The following DYNLT2 variants were observed in gnomAD, a reference collection of about 807,000 sequenced individuals.
DYNLT2 encodes dynein light chain Tctex-type 2.
DYNLT2 carries 24 observed loss-of-function variants against 24.3 expected under a neutral mutation model. The observed-to-expected ratio is 0.99, with a 90% CI of 0.71 to 1.39. The LOEUF is 1.39. DYNLT2 is among the 40% of genes most tolerant of loss of function. The pLI is 0.00. For missense variants in DYNLT2, 246 were observed against 234.5 expected, an observed-to-expected ratio of 1.05 and a Z score of -0.32; for synonymous variants, 85 against 85.4, an observed-to-expected ratio of 1.00 and a Z score of 0.03.
chr6:169,728,848 TTTAGA>T, the DYNLT2 span, among the ~76,000 whole-genome samples: 2 of 152,224 alleles, frequency 1.3e-5, no homozygotes, highest in Non-Finnish European at 2.9e-5. Flanking sequence ...GCATTCTAAG[TTTAGA>T]TTAGCTTCCA....
chr6:169,737,742 C>T (rs1446482741), downstream of DYNLT2, among the ~76,000 whole-genome samples: 2 of 152,098 alleles, frequency 1.3e-5, no homozygotes, highest in African/African-American at 4.8e-5. Flanking sequence ...TAGGATCACT[C>T]CTGTATAGGG....
In DYNLT2 at chr6:169,747,091, T is replaced by C. The variant is rs144033764; in HGVS notation, c.121-2817A>G. On this transcript the variant is annotated intron_variant, in intron 1 of 3. Coordinates refer to ENST00000366774, the MANE Select transcript of DYNLT2 (RefSeq NM_174910.3). The stretch of plus-strand genomic sequence containing the variant: ...TTTTGAACGATATTTTAGCTGAGTA[T>C]AGAATTCTAGGTTGTTAGTCATTTT... Among the ~76,000 whole-genome samples, 212 of 151,870 alleles carry C rather than the reference T, an allele frequency of 1.4e-3. 1 individual carries two copies. Among genetic ancestry groups the C allele is most frequent in the Non-Finnish European group, 2.5e-3 (169 of 67,942 alleles).
At chr6:169,739,755 C>T (rs1789635001), downstream of DYNLT2, among the ~76,000 whole-genome samples, 1 of 152,034 alleles carries the variant, frequency 6.6e-6, no homozygotes, top group African/African-American at 2.4e-5. Flanking sequence ...CCTTTCAAAA[C>T]AATGAATACA....
At chr6:169,726,279 T>G in the DYNLT2 span, among the ~76,000 whole-genome samples, 1 of 152,158 alleles carries the variant, frequency 6.6e-6, no homozygotes, top group Non-Finnish European at 1.5e-5. Flanking sequence ...AATTGTACTT[T>G]AAGGCAGCTT....
intron 1 of DYNLT2, among the ~76,000 whole-genome samples, chr6:169,744,891 G>A (rs1019195321): frequency 1.3e-5 from 2 of 152,234 alleles, no homozygotes; most frequent in East Asian, 3.9e-4. Context: ...CCAGATAAAT[G>A]CTCTAACCTC....
At chr6:169,725,233 C>G in the DYNLT2 span, 255 of 398,764 alleles carry the variant, frequency 6.4e-4, 1 homozygote, top group African/African-American at 4.9e-3. Flanking sequence ...ACTGCCTGCG[C>G]CTGCAGATGA....
chr6:169,751,449 G>T lies in DYNLT2; in HGVS notation c.10C>A (p.Arg4=). The stretch of plus-strand genomic sequence containing the variant: ...GGGCTCGACTTCACGCCTCGGCCTC[G>T]CTTCTCCATCTCGCTCTGTTCTCCA... The part of the protein sequence containing the change: MEK[R]GRGVKSSPIQ... Residue 4 remains arginine (R), a synonymous_variant, in exon 1 of 4, where the codon CGA becomes AGA. Transcript: ENST00000366774. 3.7e-6 allele frequency: 6 copies of T among 1,613,920 alleles called. No homozygotes were observed. Among genetic ancestry groups the T allele is most frequent in the Non-Finnish European group, 5.1e-6 (6 of 1,180,006 alleles).
chr6:169,734,637 G>A, the DYNLT2 span, among the ~76,000 whole-genome samples: 12 of 152,172 alleles, frequency 7.9e-5, no homozygotes, highest in African/African-American at 2.2e-4. Context: ...GGATGAAGCC[G>A]ACTTGATCGT....
chr6:169,734,129 A>G, the DYNLT2 span, among the ~76,000 whole-genome samples: 1 of 152,106 alleles, frequency 6.6e-6, no homozygotes, highest in Non-Finnish European at 1.5e-5. Context: ...TTGCACATTG[A>G]TTTTGTATCC....
chr6:169,738,708 G>A (rs1789611152), downstream of DYNLT2: 1 of 152,340 alleles, frequency 6.6e-6, no homozygotes. Flanking sequence ...CTCCTACATG[G>A]TGCTGCTTCT....
rs775746939 is a variant in DYNLT2 at position 169,751,399 on chromosome 6, AGGGGTCTGGTTC to A, written c.48_59del (p.Asn17_Pro20del). The A allele has an allele frequency of 1.4e-5, 23 of 1,613,854 alleles. No individual in the cohort carries two copies. In the African/African-American group the frequency reaches 1.7e-4, roughly 12 times the overall value. ...TCCTAGGCGTCACCGGAGCCTGCTG[AGGGGTCTGGTTC>A]GGGGTCTGGATGGGGCTCGACTTCA... On this transcript the variant is annotated inframe_deletion, in exon 1 of 4. Coordinates refer to ENST00000366774, the MANE Select transcript of DYNLT2 (RefSeq NM_174910.3).
downstream of DYNLT2, among the ~76,000 whole-genome samples, chr6:169,737,287 T>G (rs1789582077): frequency 6.6e-6 from 1 of 152,210 alleles, no homozygotes; most frequent in Non-Finnish European, 1.5e-5. Context: ...CATAATTTTT[T>G]TATTACACAT....
At chr6:169,741,938 G>A (rs1585317638) in intron 3 of DYNLT2, among the ~76,000 whole-genome samples, 2 of 152,054 alleles carry the variant, frequency 1.3e-5, no homozygotes, top group Non-Finnish European at 2.9e-5. Flanking sequence ...CTTTCTTGCT[G>A]ACTGGCGGTT....
chr6:169,737,348 C>T (rs931936638), downstream of DYNLT2, among the ~76,000 whole-genome samples: 1 of 152,210 alleles, frequency 6.6e-6, no homozygotes, highest in Non-Finnish European at 1.5e-5. Flanking sequence ...CCGTCCAGTT[C>T]TGTGCCCTTG....
intron 3 of DYNLT2, among the ~76,000 whole-genome samples, chr6:169,742,156 C>A (rs1562996053): frequency 1.3e-5 from 2 of 152,130 alleles, no homozygotes; most frequent in Admixed American, 1.3e-4. Context: ...TTTATAATTA[C>A]CTTGCTGTTT....
downstream of DYNLT2, among the ~76,000 whole-genome samples, chr6:169,737,850 G>T (rs182634232): frequency 2.0e-5 from 3 of 152,266 alleles, no homozygotes; most frequent in East Asian, 5.8e-4. Context: ...GAGAGGGTAT[G>T]TTTCACTGGG....
At chr6:169,740,810 AT>A (rs35611898) in intron 3 of DYNLT2, among the ~76,000 whole-genome samples, 22,843 of 144,046 alleles carry the variant, frequency 0.16, 2,107 homozygotes, top group East Asian at 0.29. Context: ...AATGGCCCCA[AT>A]TTTTTTTTTT....
intron 1 of DYNLT2, 128 bp downstream of exon 1, chr6:169,751,211 A>G (rs1790033398): frequency 7.1e-7 from 1 of 1,411,790 alleles, no homozygotes; most frequent in Non-Finnish European, 9.5e-7. Flanking sequence ...GGGAAAAAAG[A>G]AACACAAAAG....
downstream of DYNLT2, among the ~76,000 whole-genome samples, chr6:169,735,583 T>C (rs1393887869): frequency 6.6e-6 from 1 of 152,232 alleles, no homozygotes; most frequent in Non-Finnish European, 1.5e-5. Flanking sequence ...TTCCATGAAA[T>C]TGTGTGGTAC....
Sources: allele counts gnomAD v4.1 joint callset (sites outside exome capture counted in the v4.1 genomes callset), GRCh38; gene constraint gnomAD v4.1.1; transcripts MANE v1.5; gene names NCBI Gene and HGNC (gene_info 2026-07-23, HGNC 2026-07-21).